The following RARRES2 variants were observed in gnomAD, a reference collection of about 807,000 sequenced individuals.
RARRES2 encodes retinoic acid receptor responder protein 2.
In RARRES2, 12 loss-of-function variants were observed where a neutral mutation model predicts 17.9. That is an observed-to-expected ratio of 0.67 (90% CI 0.43 to 1.08). RARRES2 has a LOEUF of 1.08. Ranked by LOEUF, RARRES2 falls within the 50% of genes least tolerant of loss-of-function variation. The pLI is 0.00. For synonymous variants in RARRES2, 82 were observed against 86.8 expected, an observed-to-expected ratio of 0.94 and a Z score of 0.31; for missense variants, 220 against 210.1, an observed-to-expected ratio of 1.05 and a Z score of -0.29.
At chr7:150,340,745 T>C in intron 1 of RARRES2, 116 bp from the exon 2 acceptor site, 2 of 864,158 alleles carry the variant, frequency 2.3e-6, no homozygotes, top group Non-Finnish European at 1.7e-6. Context: ...TGTAGAACGC[T>C]GGGCACAGGT....
chr7:150,340,647 G>GC lies in RARRES2; in HGVS notation c.-20-19dup, dbSNP rs1563232630. The GC allele has an allele frequency of 3.4e-6, 5 of 1,461,164 alleles. 1 individual carries two copies. Among genetic ancestry groups the GC allele is most frequent in the Non-Finnish European group, 4.5e-6 (5 of 1,106,558 alleles). 90.5% of individuals were successfully genotyped at this position (1,461,164 alleles called of 1,614,324 possible). A position where few individuals can be genotyped will look rare whatever the true frequency, so the allele number is the denominator to read the frequency against. On this transcript the variant is annotated intron_variant, in intron 1 of 5. Coordinates refer to ENST00000223271, the MANE Select transcript of RARRES2 (RefSeq NM_002889.4). Reference sequence around the variant, plus strand: ...CCCTGGCCCTGCGAAGCGGGTGTGCGCCCCTCAGCTCTCCGAGCCAGCCCG... The same window carrying GC: ...CCCTGGCCCTGCGAAGCGGGTGTGCGCCCCCTCAGCTCTCCGAGCCAGCCCG...
Position 150,339,373 on chromosome 7 carries a change from G to A in RARRES2, c.280-292C>T, listed in dbSNP as rs527467984. ...GCATAAACACGCATGTATGTGGTTTGTATGCAGGAGTGTGGGTGGATGGGT... is the reference window on the plus strand; with the variant it reads ...GCATAAACACGCATGTATGTGGTTTATATGCAGGAGTGTGGGTGGATGGGT... On this transcript the variant is annotated intron_variant, in intron 3 of 5. Transcript: ENST00000223271. Among the ~76,000 whole-genome samples the A allele has an allele frequency of 3.3e-5, 5 of 152,336 alleles. No individual in the cohort carries two copies. In the East Asian group the frequency reaches 7.7e-4, roughly 24 times the overall value.
intron 3 of RARRES2, among the ~76,000 whole-genome samples, chr7:150,339,583 A>G (rs942771456): frequency 3.3e-5 from 5 of 152,138 alleles, no homozygotes; most frequent in African/African-American, 1.2e-4. Context: ...CCTTGAGCCG[A>G]CAGAGGGAAC....
chr7:150,340,817 T>G (rs1798469089), intron 1 of RARRES2, 188 bp from the exon 2 acceptor site: 15 of 530,428 alleles, frequency 2.8e-5, no homozygotes, highest in Non-Finnish European at 2.6e-5. Context: ...GCCCTCTCCG[T>G]TCCCTCCCAC....
At chr7:150,340,363 T>C in intron 2 of RARRES2, 73 bp downstream of exon 2, 1 of 1,549,984 alleles carries the variant, frequency 6.5e-7, no homozygotes, top group Non-Finnish European at 8.7e-7. Context: ...AGCACTTCTG[T>C]CCCCCTTCGT....
intron 5 of RARRES2, 48 bp downstream of exon 5, chr7:150,338,567 C>T: frequency 6.5e-7 from 1 of 1,537,136 alleles, no homozygotes; most frequent in Non-Finnish European, 8.8e-7. Flanking sequence ...CTCAGCATTC[C>T]CAGGGCTGGC....
rs1798446226 is a variant in RARRES2 at position 150,340,101 on chromosome 7, C to G, written c.278G>C (p.Gly93Ala). 6.2e-7 allele frequency: 1 copy of G among 1,613,502 alleles called. No homozygotes were observed. Among genetic ancestry groups the G allele is most frequent in the South Asian group, 1.1e-5 (1 of 91,052 alleles). The change falls in exon 3 of 6, where the codon GGG (glycine) becomes GCG (alanine). Residue 93 changes from glycine (G) to alanine (A), a missense_variant and splice_region_variant. Coordinates refer to ENST00000223271, the MANE Select transcript of RARRES2 (RefSeq NM_002889.4). The stretch of plus-strand genomic sequence containing the variant: ...TTGCTCTCACACCCCTTCACTCACC[C>G]CATTGGGCCTGACTTTGCACTCGGG... ...KKPECKVRPN[G>A]RKRKCLACIK...
Position 150,338,427 on chromosome 7 carries a change from G to T in RARRES2, c.*23C>A. 6.6e-7 allele frequency: 1 copy of T among 1,523,696 alleles called. No individual in the cohort carries two copies. The allele number at this position is 1,523,696 out of a possible 1,614,324, so 94.4% of individuals were successfully genotyped here. On this transcript the variant is annotated 3_prime_UTR_variant, in exon 6 of 6. Coordinates refer to ENST00000223271, the MANE Select transcript of RARRES2 (RefSeq NM_002889.4). ...GTTACCACCCGCAGCGGTCCTGGAG[G>T]CACCACGCATCTCTAGACAAAAGGG...
chr7:150,339,797 G>A (rs1482920856), intron 3 of RARRES2, among the ~76,000 whole-genome samples: 1 of 152,090 alleles, frequency 6.6e-6, no homozygotes, highest in Non-Finnish European at 1.5e-5. Flanking sequence ...AGGCCCTGAT[G>A]CTTGAGAGAG....
chr7:150,340,747 G>C, intron 1 of RARRES2, 118 bp from the exon 2 acceptor site: 1 of 867,172 alleles, frequency 1.2e-6, no homozygotes, highest in African/African-American at 1.8e-5. Flanking sequence ...TAGAACGCTG[G>C]GCACAGGTGA....
rs1249527299 is a variant in RARRES2 at position 150,340,541 on chromosome 7, C to T, written c.69G>A (p.Thr23=). 3 of 1,580,060 alleles carry T rather than the reference C, an allele frequency of 1.9e-6. No individual in the cohort carries two copies. Among genetic ancestry groups the T allele is most frequent in the South Asian group, 2.3e-5 (2 of 87,000 alleles). ...CCTGCAGGCCCCGGCGCTGGGCTTC[C>T]GTGAGCTCGGCGACGCCCACGCCCA... The part of the protein sequence containing the change: ...GAVGVGVAEL[T]EAQRRGLQVA... The change falls in exon 2 of 6, where the codon ACG becomes ACA. Residue 23 remains threonine, a synonymous_variant. Transcript: ENST00000223271.
At chr7:150,340,769 A>G in intron 1 of RARRES2, 140 bp from the exon 2 acceptor site, 3 of 695,560 alleles carry the variant, frequency 4.3e-6, no homozygotes, top group South Asian at 4.6e-5. Flanking sequence ...GGAGCCTGGA[A>G]ATGGCCCTTT....
At chr7:150,338,770 TGTA>T (rs1290854699) in intron 4 of RARRES2, 29 bp from the exon 5 acceptor site, 23 of 1,561,668 alleles carry the variant, frequency 1.5e-5, no homozygotes, top group Non-Finnish European at 2.0e-5. Flanking sequence ...GTTCAGGCAG[TGTA>T]GGAGGGGTGG....
intron 1 of RARRES2, chr7:150,341,053 C>G (rs1396259447): frequency 6.3e-6 from 1 of 157,710 alleles, no homozygotes; most frequent in East Asian, 1.9e-4. Flanking sequence ...CCAGAATCCC[C>G]CTGCTCCCAC....
At chr7:150,339,919 C>T (rs1345127470) in intron 3 of RARRES2, among the ~76,000 whole-genome samples, 181 bp downstream of exon 3, 4 of 152,188 alleles carry the variant, frequency 2.6e-5, no homozygotes, top group Non-Finnish European at 5.9e-5. Context: ...CAACCTTGGG[C>T]TCAGGCTGAG....
In RARRES2 at chr7:150,339,086, G is replaced by A; in HGVS notation, c.280-5C>T. The A allele has an allele frequency of 6.3e-7, 1 of 1,592,580 alleles. No homozygotes were observed. Among genetic ancestry groups the A allele is most frequent in the Non-Finnish European group, 8.6e-7 (1 of 1,160,546 alleles). ...GGCCAGGCATTTCCGTTTCCTCTGTGGGGGAGCGGGGAGCATGGGGTGAGC... is the reference window on the plus strand; with the variant it reads ...GGCCAGGCATTTCCGTTTCCTCTGTAGGGGAGCGGGGAGCATGGGGTGAGC... On this transcript the variant is annotated splice_polypyrimidine_tract_variant and splice_region_variant and intron_variant, in intron 3 of 5. Transcript: ENST00000223271.
intron 1 of RARRES2, 70 bp from the exon 2 acceptor site, chr7:150,340,699 G>T (rs1798465505): frequency 8.2e-6 from 11 of 1,337,982 alleles, no homozygotes; most frequent in African/African-American, 1.7e-5. Flanking sequence ...GCCCTGCTCT[G>T]GGGGGAGGGT....
intron 3 of RARRES2, among the ~76,000 whole-genome samples, chr7:150,339,667 C>T (rs1012368332): frequency 1.3e-5 from 2 of 150,208 alleles, no homozygotes; most frequent in African/African-American, 5.0e-5. Flanking sequence ...ACAGTCACTG[C>T]ACTCCCAGCC....
At position 150,340,189 on chromosome 7, in the gene RARRES2, T is replaced by C. The variant is rs1222969985; in HGVS notation, c.190A>G (p.Ile64Val). Residue 64 changes from isoleucine (I) to valine (V), a missense_variant, in exon 3 of 6, where the codon ATA (isoleucine) becomes GTA (valine). Physicochemically the swap from Ile to Val is conservative, Grantham distance 29. Transcript: ENST00000223271. ...AGCTTAAATTCCAGCCTCACAAATATTCCAGCTGGGAAGGGCTGCGGACAG... is the reference window on the plus strand; with the variant it reads ...AGCTTAAATTCCAGCCTCACAAATACTCCAGCTGGGAAGGGCTGCGGACAG... The part of the protein sequence containing the change: ...SAVDTPFPAG[I>V]FVRLEFKLQQ... The C allele has an allele frequency of 6.2e-7, 1 of 1,614,146 alleles. No homozygotes were observed. The highest frequency in any genetic ancestry group is 1.3e-5 in the African/African-American group (1 of 75,064).
Sources: allele counts gnomAD v4.1 joint callset (sites outside exome capture counted in the v4.1 genomes callset), GRCh38; gene constraint gnomAD v4.1.1; transcripts MANE v1.5; gene names NCBI Gene and HGNC (gene_info 2026-07-23, HGNC 2026-07-21).